The following AKT3 variants were observed in gnomAD, a reference collection of about 807,000 sequenced individuals.
AKT3 encodes RAC-gamma serine/threonine-protein kinase.
Under a neutral mutation model 65.3 loss-of-function variants are expected in AKT3, and 15 were observed. That is an observed-to-expected ratio of 0.23 (90% CI 0.15 to 0.35). The LOEUF is 0.35. AKT3 is among the 10% of genes least tolerant of loss of function. The probability of loss-of-function intolerance (pLI) is 1.00; values close to 1 mark genes in which losing one functional copy is unlikely to be tolerated. For missense variants in AKT3, 243 were observed against 576.5 expected (o/e 0.42, Z 5.92); for synonymous variants, 206 against 183.8 (o/e 1.12, Z -0.98).
At chr1:243,668,171 T>C (rs755377584) in intron 3 of AKT3, among the ~76,000 whole-genome samples, 16 of 152,204 alleles carry the variant, frequency 1.1e-4, no homozygotes, top group African/African-American at 3.4e-4. Context: ...AGACACATAG[T>C]AGGTACTCAA....
chr1:243,634,264 T>A (rs2147800508), intron 6 of AKT3, among the ~76,000 whole-genome samples: 1 of 152,178 alleles, frequency 6.6e-6, no homozygotes. Context: ...TATTCTTGTA[T>A]TATTATTTTT....
intron 12 of AKT3, among the ~76,000 whole-genome samples, chr1:243,540,385 A>G (rs1331842548): frequency 2.6e-5 from 4 of 152,192 alleles, no homozygotes. Context: ...AATAAAATTC[A>G]ATACCCATTC....
At chr1:243,693,634 A>G (rs185236264) in intron 3 of AKT3, among the ~76,000 whole-genome samples, 1 of 152,226 alleles carries the variant, frequency 6.6e-6, no homozygotes, top group East Asian at 1.9e-4. Flanking sequence ...TCAGAGTTTC[A>G]GAGAATAATC....
intron 2 of AKT3, among the ~76,000 whole-genome samples, chr1:243,746,732 G>A (rs1008491691): frequency 6.6e-6 from 1 of 152,152 alleles, no homozygotes; most frequent in Non-Finnish European, 1.5e-5. Context: ...GTTTATTAGA[G>A]ACAGAGAGAG....
At chr1:243,695,824 A>C in intron 2 of AKT3, 108 bp from the exon 3 acceptor site, 2 of 929,200 alleles carry the variant, frequency 2.2e-6, no homozygotes. Context: ...GCCTCCAAAA[A>C]TTTAGTTACT....
At chr1:243,771,048 A>C (rs191336132) in intron 2 of AKT3, among the ~76,000 whole-genome samples, 5 of 152,296 alleles carry the variant, frequency 3.3e-5, no homozygotes, top group African/African-American at 1.2e-4. Context: ...TTCAAGCTAA[A>C]TACTGCATTC....
intron 2 of AKT3, among the ~76,000 whole-genome samples, chr1:243,796,973 G>A (rs536812190): frequency 1.3e-5 from 2 of 152,002 alleles, no homozygotes; most frequent in African/African-American, 2.4e-5. Context: ...TGAGAGGAGA[G>A]AGAAAATAAA....
intron 2 of AKT3, among the ~76,000 whole-genome samples, chr1:243,734,578 T>A (rs1054854718): frequency 2.6e-5 from 4 of 152,072 alleles, no homozygotes; most frequent in Admixed American, 1.3e-4. Context: ...CACACCTCTA[T>A]AGGGCACTTA....
chr1:243,583,114 T>C (rs936389773), intron 8 of AKT3, among the ~76,000 whole-genome samples: 5 of 145,312 alleles, frequency 3.4e-5, no homozygotes, highest in Admixed American at 2.1e-4. Context: ...CTCTCTCTCT[T>C]CCAGTATGTA....
intron 2 of AKT3, among the ~76,000 whole-genome samples, chr1:243,822,611 C>T (rs1020519077): frequency 6.6e-6 from 1 of 151,622 alleles, no homozygotes; most frequent in Non-Finnish European, 1.5e-5. Context: ...CACCACTGAC[C>T]CCACAGAAAC....
chr1:243,650,846 A>G (rs1049503002), intron 4 of AKT3, among the ~76,000 whole-genome samples: 29 of 152,092 alleles, frequency 1.9e-4, no homozygotes, highest in Admixed American at 1.4e-3. Context: ...TGATGCCTCC[A>G]GCTTTGTTCT....
chr1:243,757,513 G>A (rs894283620), intron 2 of AKT3, among the ~76,000 whole-genome samples: 2 of 152,136 alleles, frequency 1.3e-5, no homozygotes, highest in African/African-American at 4.8e-5. Context: ...TGCTACTCAG[G>A]AGGCTGAGAC....
intron 9 of AKT3, among the ~76,000 whole-genome samples, chr1:243,567,487 C>CTTTTTTTTT (rs993323556): frequency 8.2e-6 from 1 of 122,320 alleles, no homozygotes; most frequent in Non-Finnish European, 1.7e-5. Context: ...TTGTTTCTTC[C>CTTTTTTTTT]TTTTTTTTTT....
intron 2 of AKT3, among the ~76,000 whole-genome samples, chr1:243,697,190 A>G (rs757847590): frequency 6.6e-4 from 101 of 152,160 alleles, no homozygotes; most frequent in Admixed American, 7.2e-4. Context: ...AACAAATAAC[A>G]TATTTTTATA....
chr1:243,493,771 T>G (rs1667146094), intron 13 of AKT3, among the ~76,000 whole-genome samples: 1 of 151,878 alleles, frequency 6.6e-6, no homozygotes, highest in Non-Finnish European at 1.5e-5. Flanking sequence ...TTCAAGATCA[T>G]CGACATTATC....
At chr1:243,618,700 G>A (rs1246737319) in intron 6 of AKT3, among the ~76,000 whole-genome samples, 4 of 152,006 alleles carry the variant, frequency 2.6e-5, no homozygotes, top group Non-Finnish European at 5.9e-5. Context: ...AAGAATTAGG[G>A]GGAATGGGAT....
intron 2 of AKT3, among the ~76,000 whole-genome samples, chr1:243,710,272 G>A (rs1435573427): frequency 6.6e-6 from 1 of 151,978 alleles, no homozygotes; most frequent in Non-Finnish European, 1.5e-5. Context: ...ATAGGCTATG[G>A]ATATTTCCAC....
intron 2 of AKT3, among the ~76,000 whole-genome samples, chr1:243,820,976 T>C (rs1168405785): frequency 1.3e-5 from 2 of 151,934 alleles, no homozygotes; most frequent in Non-Finnish European, 1.5e-5. Flanking sequence ...CCAAGACACA[T>C]AATCATCAGA....
At chr1:243,751,328 G>A (rs1688799172) in intron 2 of AKT3, among the ~76,000 whole-genome samples, 1 of 152,206 alleles carries the variant, frequency 6.6e-6, no homozygotes, top group Non-Finnish European at 1.5e-5. Context: ...GCATATCCAA[G>A]GCAATGATAA....
Sources: allele counts gnomAD v4.1 joint callset (sites outside exome capture counted in the v4.1 genomes callset), GRCh38; gene constraint gnomAD v4.1.1; transcripts MANE v1.5; gene names NCBI Gene and HGNC (gene_info 2026-07-23, HGNC 2026-07-21).